The following STARD13 variants were observed in gnomAD, a reference collection of about 807,000 sequenced individuals.
The protein encoded by STARD13 is stAR-related lipid transfer protein 13.
STARD13 carries 62 observed loss-of-function variants against 106.4 expected under a neutral mutation model. The ratio of observed to expected loss-of-function variants is 0.58; its 90% CI spans 0.48 to 0.72. The LOEUF is 0.72. STARD13 is among the 30% of genes least tolerant of loss of function. The pLI is 0.00. For missense variants in STARD13, 1,387 were observed against 1,424.0 expected (o/e 0.97, Z 0.42); for synonymous variants, 565 against 553.0 (o/e 1.02, Z -0.31).
chr13:33,370,292 C>A, the STARD13 span, among the ~76,000 whole-genome samples: 29 of 152,248 alleles, frequency 1.9e-4, no homozygotes, highest in African/African-American at 6.7e-4. Flanking sequence ...TTGATCCTCC[C>A]AGAATCAAAT....
the STARD13 span, among the ~76,000 whole-genome samples, chr13:33,454,380 T>C: frequency 6.6e-6 from 1 of 152,192 alleles, no homozygotes; most frequent in South Asian, 2.1e-4. Context: ...TCTTCCCAAC[T>C]TTCCTTTCTA....
intron 1 of STARD13, among the ~76,000 whole-genome samples, chr13:33,322,737 G>A (rs1893607060): frequency 6.6e-6 from 1 of 152,200 alleles, no homozygotes; most frequent in South Asian, 2.1e-4. Context: ...GACTTCAGAA[G>A]TTAAAAAGAA....
the STARD13 span, among the ~76,000 whole-genome samples, chr13:33,600,554 G>A: frequency 6.6e-6 from 1 of 152,094 alleles, no homozygotes; most frequent in South Asian, 2.1e-4. Context: ...GAAAGCAAAT[G>A]GGTGAAATGT....
chr13:33,362,862 C>G, the STARD13 span, among the ~76,000 whole-genome samples: 1 of 152,202 alleles, frequency 6.6e-6, no homozygotes, highest in Non-Finnish European at 1.5e-5. Context: ...GTCTTTCTTT[C>G]CCGAAACTGA....
upstream of STARD13, among the ~76,000 whole-genome samples, chr13:33,351,453 G>A (rs1159700129): frequency 1.3e-5 from 2 of 152,152 alleles, no homozygotes; most frequent in African/African-American, 4.8e-5. Context: ...CATCATCACT[G>A]AAGTCCAAGC....
At chr13:33,546,154 C>A in the STARD13 span, among the ~76,000 whole-genome samples, 1 of 152,202 alleles carries the variant, frequency 6.6e-6, no homozygotes, top group African/African-American at 2.4e-5. Context: ...GATTAGGATT[C>A]CCACGTCAGA....
chr13:33,363,653 C>T, the STARD13 span, among the ~76,000 whole-genome samples: 14 of 152,198 alleles, frequency 9.2e-5, no homozygotes, highest in African/African-American at 2.4e-4. Context: ...TGCCTTTGCA[C>T]GTGTTCTTCT....
chr13:33,475,691 G>A, the STARD13 span, among the ~76,000 whole-genome samples: 1 of 152,218 alleles, frequency 6.6e-6, no homozygotes, highest in Non-Finnish European at 1.5e-5. Context: ...AGGTGTGGTG[G>A]TCACGCCTGT....
At chr13:33,405,490 A>G in the STARD13 span, among the ~76,000 whole-genome samples, 5 of 152,264 alleles carry the variant, frequency 3.3e-5, no homozygotes, top group East Asian at 9.6e-4. Context: ...GGACAGAGCA[A>G]CATGATCTCT....
chr13:33,259,120 C>T (rs1890511106), intron 1 of STARD13, among the ~76,000 whole-genome samples: 2 of 152,226 alleles, frequency 1.3e-5, no homozygotes, highest in Admixed American at 1.3e-4. Context: ...CCCTCCCTTC[C>T]TCCCCTGCCC....
At chr13:33,662,087 C>T in the STARD13 span, among the ~76,000 whole-genome samples, 230 of 151,786 alleles carry the variant, frequency 1.5e-3, 3 homozygotes, top group South Asian at 0.047. Context: ...ACGGTGAAAC[C>T]CCGTCTCTAC....
intron 1 of STARD13, among the ~76,000 whole-genome samples, chr13:33,303,943 C>G (rs1386957506): frequency 1.3e-5 from 2 of 152,204 alleles, no homozygotes; most frequent in African/African-American, 4.8e-5. Flanking sequence ...AGTGTGACAT[C>G]ACCAGGAGCT....
chr13:33,319,994 A>G (rs1420934971), intron 1 of STARD13, among the ~76,000 whole-genome samples: 1 of 152,136 alleles, frequency 6.6e-6, no homozygotes, highest in African/African-American at 2.4e-5. Context: ...CCATCTCAAC[A>G]TCCTCCTCTG....
the STARD13 span, among the ~76,000 whole-genome samples, chr13:33,470,010 C>T: frequency 6.6e-6 from 1 of 152,034 alleles, no homozygotes; most frequent in Non-Finnish European, 1.5e-5. Context: ...ACCCATCAAC[C>T]CATCATCTAC....
chr13:33,117,162 G>A (rs1875503444), intron 8 of STARD13, among the ~76,000 whole-genome samples: 2 of 152,140 alleles, frequency 1.3e-5, no homozygotes, highest in Non-Finnish European at 2.9e-5. Flanking sequence ...AGGCCGGAGT[G>A]CAGTGGTGCA....
chr13:33,253,006 A>G (rs1890166728), intron 1 of STARD13, among the ~76,000 whole-genome samples: 1 of 152,166 alleles, frequency 6.6e-6, no homozygotes, highest in Non-Finnish European at 1.5e-5. Context: ...TTTTTGGATT[A>G]TTTTAGGGAC....
chr13:33,390,430 A>G, the STARD13 span, among the ~76,000 whole-genome samples: 173 of 152,312 alleles, frequency 1.1e-3, no homozygotes, highest in Non-Finnish European at 1.8e-3. Flanking sequence ...AGAACAAGTT[A>G]CTAGGAATTC....
intron 1 of STARD13, chr13:33,281,618 T>A (rs992965160): frequency 6.6e-6 from 1 of 152,152 alleles, no homozygotes; most frequent in Non-Finnish European, 1.5e-5. Flanking sequence ...GTAGTATAGA[T>A]ATACAATGGA....
At chr13:33,669,537 T>C in the STARD13 span, among the ~76,000 whole-genome samples, 1 of 145,886 alleles carries the variant, frequency 6.9e-6, no homozygotes, top group Admixed American at 6.8e-5. Context: ...GTTCTTTTTT[T>C]TTTTTTTTTT....
Sources: gnomAD v4.1 joint callset for allele counts (sites outside exome capture counted in the v4.1 genomes callset) on GRCh38, gnomAD v4.1.1 for gene constraint, MANE v1.5 for transcripts, NCBI Gene and HGNC (gene_info 2026-07-23, HGNC 2026-07-21) for gene names.